Variants in MCF2L2 observed in about 807,000 individuals in gnomAD.
The protein encoded by MCF2L2 is probable guanine nucleotide exchange factor MCF2L2.
Under a neutral mutation model 150.2 loss-of-function variants are expected in MCF2L2, and 102 were observed. The ratio of observed to expected loss-of-function variants is 0.68; its 90% confidence interval spans 0.58 to 0.80. The LOEUF (loss-of-function observed/expected upper bound fraction) is 0.80. Ranked by LOEUF, MCF2L2 falls within the 30% of genes least tolerant of loss-of-function variation. The probability of loss-of-function intolerance (pLI) is 0.00; values close to 1 mark genes in which losing one functional copy is unlikely to be tolerated. For synonymous variants in MCF2L2, 465 were observed against 491.3 expected (o/e 0.95, Z 0.71); for missense variants, 1,256 against 1,372.8 (o/e 0.91, Z 1.34).
chr3:183,249,309 G>A (rs1201225946), intron 15 of MCF2L2, among the ~76,000 whole-genome samples: 2 of 152,152 alleles, frequency 1.3e-5, no homozygotes, highest in African/African-American at 4.8e-5. Flanking sequence ...ACTGCCAGGG[G>A]CTGGTATCAG....
At chr3:183,209,087 C>G (rs1279380642) in intron 22 of MCF2L2, among the ~76,000 whole-genome samples, 1 of 152,236 alleles carries the variant, frequency 6.6e-6, no homozygotes, top group African/African-American at 2.4e-5. Flanking sequence ...CAGTTCACCA[C>G]ATTCCAAAAC....
At chr3:183,417,115 CAAAAAAAAAAAAAAAA>C (rs74989072) in intron 1 of MCF2L2, among the ~76,000 whole-genome samples, 1 of 44,214 alleles carries the variant, frequency 2.3e-5, no homozygotes, top group Non-Finnish European at 4.4e-5. Context: ...GACTCTGTCT[CAAAAAAAAAAAAAAAA>C]AAAAAAAAAA....
chr3:183,304,462 A>ATTTTTTTTTTTTTTTTTTTTTTTTTTT (rs36115279), intron 10 of MCF2L2, among the ~76,000 whole-genome samples: 1 of 114,134 alleles, frequency 8.8e-6, no homozygotes, highest in Non-Finnish European at 1.7e-5. Context: ...CTGGGCAGTG[A>ATTTTTTTTTTTTTTTTTTTTTTTTTTT]TTTTTTTTTT....
chr3:183,262,991 C>T (rs1265232307), intron 15 of MCF2L2, among the ~76,000 whole-genome samples: 1 of 151,732 alleles, frequency 6.6e-6, no homozygotes, highest in Admixed American at 6.6e-5. Flanking sequence ...GCATCTGAAA[C>T]GGGGGAGGTG....
intron 27 of MCF2L2, among the ~76,000 whole-genome samples, chr3:183,186,318 A>G (rs1431796498): frequency 6.6e-6 from 1 of 152,188 alleles, no homozygotes; most frequent in Non-Finnish European, 1.5e-5. Flanking sequence ...CGGTGGTACA[A>G]TCATGGCTTA....
At chr3:183,276,842 C>A (rs759598945) in intron 15 of MCF2L2, 30 bp downstream of exon 15, 56 of 1,546,054 alleles carry the variant, frequency 3.6e-5, no homozygotes, top group Middle Eastern at 3.4e-4. Flanking sequence ...CACCCCCTCG[C>A]CCCCTGCACC....
intron 13 of MCF2L2, among the ~76,000 whole-genome samples, chr3:183,293,748 T>A (rs909158537): frequency 6.6e-6 from 1 of 152,110 alleles, no homozygotes; most frequent in Non-Finnish European, 1.5e-5. Context: ...AAAAAAAGTA[T>A]AAAGATTGAA....
chr3:183,203,155 G>A (rs983371936), intron 25 of MCF2L2, among the ~76,000 whole-genome samples: 6 of 152,296 alleles, frequency 3.9e-5, no homozygotes, highest in Admixed American at 1.3e-4. Context: ...GGAGGTTGCA[G>A]TGAGCTGAGA....
chr3:183,288,821 A>C (rs1423401342), intron 14 of MCF2L2, among the ~76,000 whole-genome samples: 1 of 152,170 alleles, frequency 6.6e-6, no homozygotes, highest in African/African-American at 2.4e-5. Flanking sequence ...CTGTTCTGCC[A>C]ATTTTAAATA....
intron 27 of MCF2L2, chr3:183,182,483 A>G (rs1576903194): frequency 6.6e-6 from 1 of 152,276 alleles, no homozygotes; most frequent in East Asian, 1.9e-4. Context: ...ACACAAGCGG[A>G]CGGAACAATA....
intron 1 of MCF2L2, among the ~76,000 whole-genome samples, chr3:183,392,448 G>A (rs74599857): frequency 0.033 from 4,970 of 152,022 alleles, 119 homozygotes; most frequent in Admixed American, 0.074. Flanking sequence ...CCCAGCCCCC[G>A]ACAAGAGACC....
chr3:183,329,384 A>G (rs1360737208), intron 5 of MCF2L2, among the ~76,000 whole-genome samples: 1 of 152,056 alleles, frequency 6.6e-6, no homozygotes, highest in Non-Finnish European at 1.5e-5. Context: ...ACGGGGTTTC[A>G]CCATGTTGGC....
chr3:183,416,939 C>G (rs1715621079), intron 1 of MCF2L2, among the ~76,000 whole-genome samples: 1 of 151,378 alleles, frequency 6.6e-6, no homozygotes, highest in African/African-American at 2.4e-5. Flanking sequence ...AAAACCCTGT[C>G]TCTACTAAAA....
chr3:183,300,751 T>C (rs908829755), intron 10 of MCF2L2, among the ~76,000 whole-genome samples: 4 of 151,814 alleles, frequency 2.6e-5, no homozygotes, highest in Non-Finnish European at 4.4e-5. Flanking sequence ...GCGTGGTGGC[T>C]CCCACCTGTA....
At chr3:183,415,841 C>A (rs1021822300) in intron 1 of MCF2L2, among the ~76,000 whole-genome samples, 1 of 152,086 alleles carries the variant, frequency 6.6e-6, no homozygotes, top group Non-Finnish European at 1.5e-5. Context: ...CTGACAATTT[C>A]TGCCTTTTGA....
intron 15 of MCF2L2, among the ~76,000 whole-genome samples, chr3:183,247,883 A>C (rs1027695062): frequency 6.6e-6 from 1 of 152,170 alleles, no homozygotes; most frequent in African/African-American, 2.4e-5. Context: ...GGGTCCTGGA[A>C]CCAATTCCCC....
At chr3:183,231,636 T>C (rs1397366882) in intron 15 of MCF2L2, among the ~76,000 whole-genome samples, 1 of 151,832 alleles carries the variant, frequency 6.6e-6, no homozygotes, top group Non-Finnish European at 1.5e-5. Flanking sequence ...TTTTTTTTTT[T>C]TTGGTAGAGA....
intron 2 of MCF2L2, among the ~76,000 whole-genome samples, chr3:183,384,841 C>T (rs916727421): frequency 1.3e-5 from 2 of 152,092 alleles, no homozygotes; most frequent in African/African-American, 2.4e-5. Context: ...GGAGTATATT[C>T]GTTGTAGTTG....
At chr3:183,358,284 A>C (rs543329780) in intron 3 of MCF2L2, among the ~76,000 whole-genome samples, 177 of 152,118 alleles carry the variant, frequency 1.2e-3, no homozygotes, top group African/African-American at 4.1e-3. Context: ...TGAGAGCGAA[A>C]CTCTGTCACA....
Sources: gnomAD v4.1 joint callset for allele counts (sites outside exome capture counted in the v4.1 genomes callset) on GRCh38, gnomAD v4.1.1 for gene constraint, MANE v1.5 for transcripts, NCBI Gene and HGNC (gene_info 2026-07-23, HGNC 2026-07-21) for gene names.